The following AGBL1 variants were observed in gnomAD, a reference collection of about 807,000 sequenced individuals.
AGBL1 encodes AGBL carboxypeptidase 1.
Under a neutral mutation model 118.9 loss-of-function variants are expected in AGBL1, and 130 were observed. That is an observed-to-expected ratio of 1.09 (90% confidence interval 0.95 to 1.26). The LOEUF (loss-of-function observed/expected upper bound fraction) is 1.26, where lower values mean the gene tolerates loss of function less well. AGBL1 is among the 50% of genes most tolerant of loss of function. The probability of loss-of-function intolerance (pLI) is 0.00; values close to 1 mark genes in which losing one functional copy is unlikely to be tolerated. For synonymous variants in AGBL1, 555 were observed against 478.9 expected, an observed-to-expected ratio of 1.16 and a Z score of -2.08; for missense variants, 1,584 against 1,298.1, an observed-to-expected ratio of 1.22 and a Z score of -3.38.
At chr15:86,276,294 A>G (rs1342046055) in intron 15 of AGBL1, among the ~76,000 whole-genome samples, 4 of 152,230 alleles carry the variant, frequency 2.6e-5, no homozygotes, top group African/African-American at 9.6e-5. Flanking sequence ...AGCAGATGAT[A>G]TAATAAAAAA....
At chr15:86,944,147 G>T (rs2080788555) in intron 23 of AGBL1, among the ~76,000 whole-genome samples, 2 of 151,992 alleles carry the variant, frequency 1.3e-5, no homozygotes, top group African/African-American at 4.8e-5. Flanking sequence ...GAGGCGGGCG[G>T]ATCACCTGAG....
chr15:86,233,917 C>T (rs1370079850), intron 6 of AGBL1, among the ~76,000 whole-genome samples: 1 of 152,100 alleles, frequency 6.6e-6, no homozygotes, highest in Non-Finnish European at 1.5e-5. Flanking sequence ...CCCAAGGTGG[C>T]CAGGGTGTTC....
chr15:86,613,176 T>A lies in AGBL1; in HGVS notation c.2994+58639T>A, dbSNP rs949004775. Reference sequence around the variant, plus strand: ...AAATCTCTAAATTGATTAAGACTTGTCTCAGATACTTTTTGGTTTACAGGT... The same window carrying A: ...AAATCTCTAAATTGATTAAGACTTGACTCAGATACTTTTTGGTTTACAGGT... On this transcript the variant is annotated intron_variant, in intron 21 of 22. Transcript: ENST00000614907. This position sits in a 1 kb window ranked among gnomAD's most constrained non-coding sequence, Gnocchi z 4.2. Among the ~76,000 whole-genome samples the A allele has an allele frequency of 6.6e-6, 1 of 152,178 alleles. No homozygotes were observed. The highest frequency in any genetic ancestry group is 2.4e-5 in the African/African-American group (1 of 41,450).
chr15:86,173,911 G>C (rs954859723), intron 5 of AGBL1, among the ~76,000 whole-genome samples: 25 of 152,212 alleles, frequency 1.6e-4, no homozygotes, highest in African/African-American at 5.1e-4. Flanking sequence ...GCTTAGGATT[G>C]CTTCGGCTAT....
rs114705168 is a variant in AGBL1 at position 86,694,261 on chromosome 15, A to G, written c.3158+19825A>G. Among the ~76,000 whole-genome samples, 1,153 of 151,940 alleles carry G rather than the reference A, an allele frequency of 7.6e-3. 17 individuals are homozygous for G. The highest frequency in any genetic ancestry group is 0.027 in the African/African-American group (1,099 of 41,470). On this transcript the variant is annotated intron_variant, in intron 22 of 22. Transcript: ENST00000614907. ...GTGTTTCCATTTGTTTGTGTCTTCT[A>G]TGTTTTCTTTCAGCAGTGTTTTGGA...
At chr15:86,718,611 A>C (rs1336278737) in intron 22 of AGBL1, among the ~76,000 whole-genome samples, 1 of 152,154 alleles carries the variant, frequency 6.6e-6, no homozygotes, top group Non-Finnish European at 1.5e-5. Context: ...TCAGAAGGAC[A>C]AATCGTACCC....
chr15:86,836,754 C>T (rs2079176245), intron 22 of AGBL1, among the ~76,000 whole-genome samples: 1 of 152,074 alleles, frequency 6.6e-6, no homozygotes, highest in Non-Finnish European at 1.5e-5. Context: ...TTGTTTAGTG[C>T]CTTAATCTTT....
chr15:86,331,741 C>G (rs2080272203), intron 17 of AGBL1, among the ~76,000 whole-genome samples: 1 of 152,172 alleles, frequency 6.6e-6, no homozygotes, highest in African/African-American at 2.4e-5. Flanking sequence ...TTCAGAATAG[C>G]AAGTGCTATG....
chr15:87,004,348 C>T (rs982946534), intron 24 of AGBL1, among the ~76,000 whole-genome samples: 1 of 152,114 alleles, frequency 6.6e-6, no homozygotes, highest in African/African-American at 2.4e-5. Context: ...TCTCTAAGGA[C>T]TTTCTTTATG....
chr15:86,090,919 C>G (rs1466549042), intron 1 of AGBL1, among the ~76,000 whole-genome samples: 1 of 152,106 alleles, frequency 6.6e-6, no homozygotes, highest in African/African-American at 2.4e-5. Flanking sequence ...TTTAAAATTT[C>G]TTTTACTGGA....
At chr15:86,451,577 G>T (rs34421726) in intron 18 of AGBL1, among the ~76,000 whole-genome samples, 1,633 of 152,252 alleles carry the variant, frequency 0.011, 107 homozygotes, top group Admixed American at 0.1. Flanking sequence ...ATTAATTTGG[G>T]ATACCATGGG....
intron 21 of AGBL1, among the ~76,000 whole-genome samples, chr15:86,636,832 A>G (rs1316143816): frequency 1.4e-5 from 2 of 146,936 alleles, no homozygotes; most frequent in Non-Finnish European, 3.0e-5. Context: ...GACATCACCT[A>G]TGATGACTCA....
chr15:86,211,047 G>A (rs1362656768), intron 5 of AGBL1, among the ~76,000 whole-genome samples: 1 of 152,152 alleles, frequency 6.6e-6, no homozygotes, highest in Admixed American at 6.5e-5. Context: ...CTTTCTGTTT[G>A]TTAGTTTTCC....
At chr15:87,030,087 A>C (rs1022932807), downstream of AGBL1, among the ~76,000 whole-genome samples, 24 of 151,414 alleles carry the variant, frequency 1.6e-4, no homozygotes, top group African/African-American at 5.6e-4. Context: ...CTTAAACTAA[A>C]CTTAAGGTAT....
At position 86,914,874 on chromosome 15, in the gene AGBL1, A is replaced by G. The variant is rs2080399777; in HGVS notation, c.*7580A>G. The G allele has an allele frequency of 6.6e-6, 1 of 152,174 alleles. No homozygotes were observed. 9.4% of individuals were successfully genotyped at this position (152,174 alleles called of 1,614,324 possible). A position where few individuals can be genotyped will look rare whatever the true frequency, so the allele number is the denominator to read the frequency against. On this transcript the variant is annotated 3_prime_UTR_variant, in exon 23 of 23. Coordinates refer to ENST00000614907, the MANE Select transcript of AGBL1 (RefSeq NM_001386094.1). ...GTTCTTGTAGATCCTTGACTCAAATACAAGTAACTCCTACTGGCCATTTCT... is the reference window on the plus strand; with the variant it reads ...GTTCTTGTAGATCCTTGACTCAAATGCAAGTAACTCCTACTGGCCATTTCT...
chr15:86,224,363 A>G (rs2078325953), intron 5 of AGBL1, among the ~76,000 whole-genome samples: 2 of 152,184 alleles, frequency 1.3e-5, no homozygotes, highest in African/African-American at 2.4e-5. Flanking sequence ...GCAGAAAGGA[A>G]TGAATTTGGA....
At chr15:86,575,387 C>G (rs2084075925) in intron 21 of AGBL1, among the ~76,000 whole-genome samples, 1 of 151,566 alleles carries the variant, frequency 6.6e-6, no homozygotes, top group South Asian at 2.1e-4. Flanking sequence ...GAGGTTTTGG[C>G]TACAAGGGAG....
intron 22 of AGBL1, among the ~76,000 whole-genome samples, chr15:86,770,167 C>T (rs1257989333): frequency 2.6e-5 from 4 of 151,912 alleles, no homozygotes; most frequent in African/African-American, 4.8e-5. Flanking sequence ...CAAACAAAAG[C>T]ATAGACAGAT....
chr15:87,008,587 A>G (rs569600960), intron 24 of AGBL1, among the ~76,000 whole-genome samples: 1 of 152,256 alleles, frequency 6.6e-6, no homozygotes, highest in African/African-American at 2.4e-5. Context: ...TTTGGAAGCA[A>G]ATTTGGAACT....
Sources: gnomAD v4.1 joint callset for allele counts (sites outside exome capture counted in the v4.1 genomes callset) on GRCh38, gnomAD v4.1.1 for gene constraint, Gnocchi (gnomAD v3.1) non-coding constraint, MANE v1.5 for transcripts, NCBI Gene and HGNC (gene_info 2026-07-23, HGNC 2026-07-21) for gene names.